MGAM2: variants seen among roughly 807,000 people sequenced by gnomAD.
The protein encoded by MGAM2 is probable maltase-glucoamylase 2.
In MGAM2, 98 loss-of-function variants were observed where a neutral mutation model predicts 96.1. The observed-to-expected ratio is 1.02, with a 90% CI of 0.87 to 1.21. The LOEUF is 1.21. Among genes scored for constraint, MGAM2 ranks in the 50% most tolerant of loss-of-function variants. The pLI, the probability that MGAM2 is intolerant of heterozygous loss-of-function variation, is 0.00. For synonymous variants in MGAM2, 749 were observed against 414.8 expected, an observed-to-expected ratio of 1.81 and a Z score of -9.79; for missense variants, 2,055 against 1,182.4, an observed-to-expected ratio of 1.74 and a Z score of -10.82.
chr7:142,169,750 G>T (rs1272907451), intron 26 of MGAM2, among the ~76,000 whole-genome samples: 1 of 151,970 alleles, frequency 6.6e-6, no homozygotes, highest in Non-Finnish European at 1.5e-5. Flanking sequence ...ACATTTCTAT[G>T]CACATACATG....
chr7:142,117,017 G>A (rs1331051133), intron 2 of MGAM2, 38 bp downstream of exon 2: 1 of 702,824 alleles, frequency 1.4e-6, no homozygotes, highest in Admixed American at 2.0e-5. Flanking sequence ...GCTGGGTAAA[G>A]GAAGTCTCCT....
intron 15 of MGAM2, among the ~76,000 whole-genome samples, chr7:142,150,979 T>C (rs1389227473): frequency 1.3e-5 from 2 of 152,176 alleles, no homozygotes; most frequent in Non-Finnish European, 2.9e-5. Flanking sequence ...TCATCTCCAA[T>C]CTCAATGCTG....
intron 8 of MGAM2, among the ~76,000 whole-genome samples, 193 bp downstream of exon 8, chr7:142,136,833 T>C (rs900207236): frequency 6.6e-6 from 1 of 152,234 alleles, no homozygotes; most frequent in African/African-American, 2.4e-5. Flanking sequence ...ATTGTTTTCA[T>C]TGAAAACCAC....
chr7:142,181,068 T>G (rs533659275), intron 32 of MGAM2, among the ~76,000 whole-genome samples: 1 of 152,224 alleles, frequency 6.6e-6, no homozygotes, highest in Non-Finnish European at 1.5e-5. Flanking sequence ...TAGAAACCAT[T>G]GCTGGGGAGC....
At chr7:142,158,205 A>G (rs1385928944) in intron 18 of MGAM2, 43 bp from the exon 19 acceptor site, 1 of 702,824 alleles carries the variant, frequency 1.4e-6, no homozygotes. Context: ...ATTGTCCTGT[A>G]TTAGAGACTT....
Position 142,220,581 on chromosome 7 carries a change from CT to C in MGAM2, c.6075del (p.Phe2025LeufsTer68), listed in dbSNP as rs1304255462. On this transcript the variant is annotated frameshift_variant, in exon 48 of 48. Coordinates refer to ENST00000477922, the MANE Select transcript of MGAM2 (RefSeq NM_001293626.2). LOFTEE classifies it low-confidence loss of function (END_TRUNC). ...TACCCCTGTTCCTATCACAACCACA[CT>C]TTTTGCAACAAGTACTATTGGTGTT... ...NATPVPITTTLFATSTIGVTT... is the reference protein window; with the variant it reads ...NATPVPITTTXFATSTIGVTT... The C allele has an allele frequency of 8.6e-6, 6 of 698,182 alleles. No homozygotes were observed. The highest frequency in any genetic ancestry group is 1.6e-5 in the Non-Finnish European group (6 of 384,586). The allele number at this position is 698,182 out of a possible 1,614,324, so 43.2% of individuals were successfully genotyped here. A position where few individuals can be genotyped will look rare whatever the true frequency, so the allele number is the denominator to read the frequency against.
chr7:142,194,713 T>TGTGC (rs998614340), intron 37 of MGAM2, among the ~76,000 whole-genome samples: 1 of 151,986 alleles, frequency 6.6e-6, no homozygotes, highest in African/African-American at 2.4e-5. Flanking sequence ...TGTGTGTGTG[T>TGTGC]GTGTGTGTGT....
At chr7:142,138,423 T>C (rs1280330963) in intron 9 of MGAM2, 119 bp from the exon 10 acceptor site, 19 of 588,086 alleles carry the variant, frequency 3.2e-5, no homozygotes, top group Non-Finnish European at 5.5e-5. Context: ...TTGTGGAATT[T>C]CACAAATTAT....
chr7:142,185,477 T>C (rs1171855022), intron 34 of MGAM2, among the ~76,000 whole-genome samples: 2 of 152,192 alleles, frequency 1.3e-5, no homozygotes. Context: ...GACTGGATTT[T>C]AATAAATTAT....
Position 142,196,754 on chromosome 7 carries a change from C to G in MGAM2, c.4570C>G (p.Arg1524Gly). 1.3e-6 allele frequency: 1 copy of G among 790,980 alleles called. No homozygotes were observed. Among genetic ancestry groups the G allele is most frequent in the Non-Finnish European group, 2.3e-6 (1 of 427,408 alleles). The allele number at this position is 790,980 out of a possible 1,614,324, so 49.0% of individuals were successfully genotyped here. Residue 1524 changes from arginine (R) to glycine (G), a missense_variant, in exon 40 of 48, where the codon CGC becomes GGC. By Grantham distance (125) the Arg-to-Gly change is moderately radical. Transcript: ENST00000477922. ...AGATGCTGAATATGAGATGTGTGTT[C>G]GCTGGATGCAACTGGGGGCATTTTA... The part of the protein sequence containing the change: ...FGDAEYEMCV[R>G]WMQLGAFYPF...
At position 142,219,789 on chromosome 7, in the gene MGAM2, A is replaced by T; in HGVS notation, c.5359-81A>T. The T allele has an allele frequency of 6.6e-6, 4 of 610,480 alleles. No homozygotes were observed. The Admixed American group carries it at 1.1e-4, about 17-fold the overall frequency. The allele number at this position is 610,480 out of a possible 1,614,324, so 37.8% of individuals were successfully genotyped here. On this transcript the variant is annotated intron_variant, in intron 47 of 47. Coordinates refer to ENST00000477922, the MANE Select transcript of MGAM2 (RefSeq NM_001293626.2). Reference sequence around the variant, plus strand: ...AGGAATGAATCCATCATTTTTTGTTAAATTGTAATTTAAGAGGTGAGCTAC... The same window carrying T: ...AGGAATGAATCCATCATTTTTTGTTTAATTGTAATTTAAGAGGTGAGCTAC...
chr7:142,192,422 A>G (rs1188931854), intron 37 of MGAM2, among the ~76,000 whole-genome samples: 3 of 152,206 alleles, frequency 2.0e-5, no homozygotes, highest in Admixed American at 6.6e-5. Flanking sequence ...TTGGAAGAGT[A>G]CAAGGATGAA....
chr7:142,187,903 T>G, intron 36 of MGAM2, 69 bp downstream of exon 36: 1 of 674,708 alleles, frequency 1.5e-6, no homozygotes. Context: ...CCTTTTACTG[T>G]CAAAGTGAAG....
chr7:142,141,817 C>T (rs903452207), intron 12 of MGAM2, among the ~76,000 whole-genome samples: 1 of 152,064 alleles, frequency 6.6e-6, no homozygotes, highest in African/African-American at 2.4e-5. Flanking sequence ...TAAATTTACA[C>T]AAGACTTATA....
intron 45 of MGAM2, among the ~76,000 whole-genome samples, chr7:142,203,222 T>C (rs116093903): frequency 0.01 from 1,563 of 152,314 alleles, 28 homozygotes; most frequent in African/African-American, 0.036. Context: ...TCTCCTACTC[T>C]GTAGGTTGTC....
At chr7:142,172,995 G>T (rs1302831436) in intron 30 of MGAM2, among the ~76,000 whole-genome samples, 2 of 152,030 alleles carry the variant, frequency 1.3e-5, no homozygotes, top group African/African-American at 4.8e-5. Context: ...AGTAATAACC[G>T]GCAAATTCTC....
intron 2 of MGAM2, among the ~76,000 whole-genome samples, chr7:142,118,956 A>G (rs1039589000): frequency 3.3e-5 from 5 of 152,194 alleles, no homozygotes; most frequent in African/African-American, 1.2e-4. Flanking sequence ...TGATACCCAA[A>G]GCACAGCAAA....
Position 142,137,510 on chromosome 7 carries a change from A to T in MGAM2, c.925A>T (p.Asn309Tyr). The T allele has an allele frequency of 1.4e-6, 1 of 701,560 alleles. No individual in the cohort carries two copies. Among genetic ancestry groups the T allele is most frequent in the Non-Finnish European group, 2.6e-6 (1 of 384,158 alleles). The allele number at this position is 701,560 out of a possible 1,614,324, so 43.5% of individuals were successfully genotyped here. A position where few individuals can be genotyped will look rare whatever the true frequency, so the allele number is the denominator to read the frequency against. Residue 309 changes from asparagine to tyrosine, a missense_variant, in exon 9 of 48, where the codon AAC becomes TAC. Asn to Tyr is a moderately radical substitution (Grantham distance 143, BLOSUM62 -2). Coordinates refer to ENST00000477922, the MANE Select transcript of MGAM2 (RefSeq NM_001293626.2). ...GILDFYVFLG[N>Y]TPEQVVQEYL... ...TCTTGACTTTTACGTATTCCTAGGA[A>T]ACACTCCAGAACAAGTGGTTCAGGA...
At chr7:142,137,412 A>G (rs777280318) in intron 8 of MGAM2, 21 bp from the exon 9 acceptor site, 1 of 682,332 alleles carries the variant, frequency 1.5e-6, no homozygotes, top group South Asian at 1.6e-5. Flanking sequence ...ATTCTAATTA[A>G]TCTCATTATA....
Sources: allele counts gnomAD v4.1 joint callset (sites outside exome capture counted in the v4.1 genomes callset), GRCh38; gene constraint gnomAD v4.1.1; transcripts MANE v1.5; gene names NCBI Gene and HGNC (gene_info 2026-07-23, HGNC 2026-07-21).